Variants in POU3F3 observed in about 807,000 individuals in gnomAD.
POU3F3 encodes the protein POU class 3 homeobox 3, also known as POU domain, class 3, transcription factor 3.
POU3F3 carries 1 observed loss-of-function variant against 8.6 expected under a neutral mutation model. The ratio of observed to expected loss-of-function variants is 0.12; its 90% CI spans 0.04 to 0.55. The LOEUF (loss-of-function observed/expected upper bound fraction) is 0.55. Ranked by LOEUF, POU3F3 falls within the 20% of genes least tolerant of loss-of-function variation. The pLI is 0.91. For synonymous variants in POU3F3, 418 were observed against 327.4 expected (o/e 1.28, Z -2.99); for missense variants, 577 against 690.7 (o/e 0.84, Z 1.84).
chr2:104,862,659 C>T (rs867147671), downstream of POU3F3, among the ~76,000 whole-genome samples: 1 of 152,190 alleles, frequency 6.6e-6, no homozygotes, highest in African/African-American at 2.4e-5. Flanking sequence ...GCTGTGGGTC[C>T]CACAAGTTGT....
chr2:104,879,665 A>C, the POU3F3 span, among the ~76,000 whole-genome samples: 2 of 151,498 alleles, frequency 1.3e-5, no homozygotes, highest in African/African-American at 4.9e-5. Flanking sequence ...TGCATTGATC[A>C]CCCCTCCTTC....
the POU3F3 span, among the ~76,000 whole-genome samples, chr2:104,915,325 G>C: frequency 6.6e-6 from 1 of 152,184 alleles, no homozygotes; most frequent in Non-Finnish European, 1.5e-5. Context: ...TGAGACAACT[G>C]AGAAGTTCAA....
the POU3F3 span, among the ~76,000 whole-genome samples, chr2:104,923,057 A>G: frequency 6.6e-6 from 1 of 152,222 alleles, no homozygotes; most frequent in Non-Finnish European, 1.5e-5. Context: ...ACTATTCTTT[A>G]AAAGTGAGGA....
the POU3F3 span, among the ~76,000 whole-genome samples, chr2:104,892,771 C>A: frequency 6.6e-6 from 1 of 151,454 alleles, no homozygotes; most frequent in Non-Finnish European, 1.5e-5. Context: ...CCCCTTTGAA[C>A]TGCCTGGATC....
At chr2:104,895,293 T>C in the POU3F3 span, among the ~76,000 whole-genome samples, 1 of 152,188 alleles carries the variant, frequency 6.6e-6, no homozygotes, top group East Asian at 1.9e-4. Flanking sequence ...TGCCCACATA[T>C]TTTAGGTAAA....
the POU3F3 span, among the ~76,000 whole-genome samples, chr2:104,880,886 G>A: frequency 6.6e-6 from 1 of 152,152 alleles, no homozygotes; most frequent in Non-Finnish European, 1.5e-5. Context: ...ACCCATTGAA[G>A]TCTGCCCTGT....
At chr2:104,874,265 T>C in the POU3F3 span, among the ~76,000 whole-genome samples, 1 of 152,028 alleles carries the variant, frequency 6.6e-6, no homozygotes, top group East Asian at 1.9e-4. Context: ...AGGAGAGACC[T>C]CTGGAGAGGA....
At chr2:104,895,251 G>A in the POU3F3 span, among the ~76,000 whole-genome samples, 2 of 152,204 alleles carry the variant, frequency 1.3e-5, no homozygotes, top group East Asian at 3.9e-4. Context: ...AACTCAAAGG[G>A]TATTTTTTCT....
At chr2:104,872,586 A>T in the POU3F3 span, 1 of 299,646 alleles carries the variant, frequency 3.3e-6, no homozygotes, top group Admixed American at 4.9e-5. The surrounding 1 kb of genome is among the most constrained non-coding windows in gnomAD (Gnocchi z 4.6). Flanking sequence ...GCTGGTGGGG[A>T]CGCACTCGCT....
chr2:104,923,035 A>G, the POU3F3 span, among the ~76,000 whole-genome samples: 1 of 152,228 alleles, frequency 6.6e-6, no homozygotes, highest in African/African-American at 2.4e-5. Context: ...CAAGAATCCT[A>G]TATCTAGCAA....
At chr2:104,893,336 T>C in the POU3F3 span, among the ~76,000 whole-genome samples, 1 of 152,292 alleles carries the variant, frequency 6.6e-6, no homozygotes, top group Admixed American at 6.5e-5. Context: ...GGATGTCACC[T>C]TGAAAAAGCC....
chr2:104,879,270 C>T, the POU3F3 span, among the ~76,000 whole-genome samples: 5 of 151,740 alleles, frequency 3.3e-5, no homozygotes, highest in Non-Finnish European at 4.4e-5. Context: ...TCTTAAGCCG[C>T]GATTGGGCTC....
chr2:104,886,745 T>C, the POU3F3 span, among the ~76,000 whole-genome samples: 3 of 151,792 alleles, frequency 2.0e-5, no homozygotes, highest in Non-Finnish European at 2.9e-5. Flanking sequence ...CCATTTCTAC[T>C]AAAAAATACA....
chr2:104,887,159 C>T, the POU3F3 span, among the ~76,000 whole-genome samples: 1 of 152,080 alleles, frequency 6.6e-6, no homozygotes, highest in East Asian at 1.9e-4. Flanking sequence ...GAGAGGACAA[C>T]CAGAGGTCAC....
chr2:104,904,366 G>C, the POU3F3 span, among the ~76,000 whole-genome samples: 1 of 152,118 alleles, frequency 6.6e-6, no homozygotes, highest in Non-Finnish European at 1.5e-5. Context: ...CCACTGTAAA[G>C]TGTACATAAA....
chr2:104,903,160 C>A, the POU3F3 span, among the ~76,000 whole-genome samples: 1 of 152,174 alleles, frequency 6.6e-6, no homozygotes, highest in African/African-American at 2.4e-5. Flanking sequence ...TCTCAACTAC[C>A]TCAACATTTC....
At chr2:104,918,921 G>C in the POU3F3 span, among the ~76,000 whole-genome samples, 2 of 151,266 alleles carry the variant, frequency 1.3e-5, no homozygotes, top group Non-Finnish European at 2.9e-5. Context: ...GCCCAGGCTG[G>C]AGTGCAATGG....
At chr2:104,923,208 A>G in the POU3F3 span, among the ~76,000 whole-genome samples, 2 of 152,248 alleles carry the variant, frequency 1.3e-5, no homozygotes, top group Non-Finnish European at 2.9e-5. Context: ...ATGATGAAAT[A>G]AAGAACTCAG....
chr2:104,914,161 G>A, the POU3F3 span, among the ~76,000 whole-genome samples: 7 of 152,240 alleles, frequency 4.6e-5, no homozygotes, highest in South Asian at 2.1e-4. Flanking sequence ...CAGAATATCC[G>A]GTCTGTTGGC....
Sources: allele counts gnomAD v4.1 joint callset (sites outside exome capture counted in the v4.1 genomes callset), GRCh38; gene constraint gnomAD v4.1.1; non-coding constraint Gnocchi (gnomAD v3.1); transcripts MANE v1.5; gene names NCBI Gene and HGNC (gene_info 2026-07-23, HGNC 2026-07-21).